The following NINL variants were observed in gnomAD, a reference collection of about 807,000 sequenced individuals.
NINL encodes the protein ninein-like protein.
A neutral mutation model predicts 160.3 loss-of-function variants in NINL; 153 were observed. The ratio of observed to expected loss-of-function variants is 0.95; its 90% CI spans 0.84 to 1.09. NINL has a LOEUF of 1.09. Ranked by LOEUF, NINL falls within the 50% of genes least tolerant of loss-of-function variation. NINL has a pLI of 0.00. For synonymous variants in NINL, 800 were observed against 734.8 expected (o/e 1.09, Z -1.43); for missense variants, 1,829 against 1,764.0 (o/e 1.04, Z -0.66).
At chr20:25,457,705 C>T (rs138274313) in intron 22 of NINL, among the ~76,000 whole-genome samples, 1 of 152,330 alleles carries the variant, frequency 6.6e-6, no homozygotes, top group East Asian at 1.9e-4. Flanking sequence ...AAGTCTGTCC[C>T]TGATGAACTA....
chr20:25,469,927 T>A, intron 18 of NINL, 64 bp downstream of exon 18: 2 of 1,079,524 alleles, frequency 1.9e-6, no homozygotes, highest in Non-Finnish European at 2.9e-6. Context: ...GGAGACTGCA[T>A]AAGGTCACTC....
intron 13 of NINL, among the ~76,000 whole-genome samples, chr20:25,484,177 GA>G (rs1449355394): frequency 1.3e-5 from 2 of 152,060 alleles, no homozygotes; most frequent in African/African-American, 4.8e-5. Context: ...AAAGTTGAAA[GA>G]AAAAAAGTTT....
intron 1 of NINL, among the ~76,000 whole-genome samples, chr20:25,570,663 T>C (rs1697959693): frequency 6.7e-6 from 1 of 149,600 alleles, no homozygotes; most frequent in South Asian, 2.1e-4. Context: ...TTTTAGCTTT[T>C]CCAAAATGTC....
chr20:25,481,879 T>A (rs2063395582), intron 14 of NINL, 89 bp downstream of exon 14: 7 of 1,516,644 alleles, frequency 4.6e-6, no homozygotes, highest in Non-Finnish European at 6.2e-6. Context: ...CATCATCATC[T>A]TCATCATCTC....
At chr20:25,563,271 C>T (rs995411068) in intron 1 of NINL, among the ~76,000 whole-genome samples, 1 of 152,198 alleles carries the variant, frequency 6.6e-6, no homozygotes, top group African/African-American at 2.4e-5. Context: ...CCTAGATCTA[C>T]AGCATAATGT....
At chr20:25,540,144 T>C (rs1454581342) in intron 1 of NINL, 3 of 799,448 alleles carry the variant, frequency 3.8e-6, no homozygotes, top group South Asian at 1.4e-5. Context: ...CTGGCCAGCA[T>C]TCAGCAGCTG....
chr20:25,566,405 T>G (rs2065000283), intron 1 of NINL, among the ~76,000 whole-genome samples: 1 of 150,076 alleles, frequency 6.7e-6, no homozygotes. Context: ...GATTATAAGA[T>G]AAATTAAAGT....
rs556403492 is a variant in NINL, at chr20:25,556,592, T to A, written c.-12+28863A>T. Among the ~76,000 whole-genome samples, 18 of 151,970 alleles carry A rather than the reference T, an allele frequency of 1.2e-4. No homozygotes were observed. The East Asian group carries it at 3.5e-3, about 29-fold the overall frequency. ...GTGAGCCATGATCATGCCACTGTAC[T>A]CCAACCTAGGCAACAGGGTGAGATT... On this transcript the variant is annotated intron_variant, in intron 1 of 23. Transcript: ENST00000278886.
chr20:25,467,877 G>C (rs1195233764), intron 18 of NINL, among the ~76,000 whole-genome samples: 2 of 152,030 alleles, frequency 1.3e-5, no homozygotes, highest in South Asian at 4.1e-4. Context: ...CCATCAGCAG[G>C]GTCCTCACAG....
chr20:25,490,579 AAAAG>A (rs1156504528), intron 11 of NINL, among the ~76,000 whole-genome samples: 3 of 151,932 alleles, frequency 2.0e-5, no homozygotes, highest in Non-Finnish European at 4.4e-5. Context: ...AAAAAAAAAA[AAAAG>A]AAAGGGTGGG....
chr20:25,500,896 G>A lies in NINL; in HGVS notation c.976C>T (p.Gln326Ter). 1.9e-6 allele frequency: 3 copies of A among 1,614,216 alleles called. No homozygotes were observed. Among genetic ancestry groups the A allele is most frequent in the Non-Finnish European group, 2.5e-6 (3 of 1,180,042 alleles). Residue 326 changes from glutamine to a stop codon, truncating the protein, a stop_gained, in exon 8 of 24, where the codon CAG becomes TAG. Transcript: ENST00000278886. LOFTEE classifies it high-confidence loss of function. Reference sequence around the variant, plus strand: ...TCCTGGGTCCACATGGCCAGGACCTGATCAGGAAAAGCGAAGCCAGAACCA... The same window carrying A: ...TCCTGGGTCCACATGGCCAGGACCTAATCAGGAAAAGCGAAGCCAGAACCA... Reference protein sequence around the residue: ...DDGSGFAFPDQVLAMWTQEGI... With the variant: ...DDGSGFAFPD
chr20:25,476,103 A>G lies in NINL; in HGVS notation c.3188T>C (p.Leu1063Pro). ...REKDDMETKL[L>P]HLEDVVRALE... Reference sequence around the variant, plus strand: ...AGCCCGGACGACGTCTTCCAGATGTAGAAGTTTGGTTTCCATGTCATCCTT... The same window carrying G: ...AGCCCGGACGACGTCTTCCAGATGTGGAAGTTTGGTTTCCATGTCATCCTT... Residue 1063 changes from leucine to proline, a missense_variant, in exon 17 of 24, where the codon CTA (leucine) becomes CCA (proline). Coordinates refer to ENST00000278886, the MANE Select transcript of NINL (RefSeq NM_025176.6). 3 of 1,614,222 alleles carry G rather than the reference A, an allele frequency of 1.9e-6. No homozygotes were observed. The highest frequency in any genetic ancestry group is 2.2e-5 in the East Asian group (1 of 44,880).
At chr20:25,560,493 G>T (rs1031425243) in intron 1 of NINL, among the ~76,000 whole-genome samples, 3 of 152,136 alleles carry the variant, frequency 2.0e-5, no homozygotes, top group Non-Finnish European at 4.4e-5. Flanking sequence ...TCTGTGCCAC[G>T]ATGGGCACAG....
intron 23 of NINL, among the ~76,000 whole-genome samples, chr20:25,454,183 A>C (rs1290066489): frequency 1.3e-5 from 2 of 152,206 alleles, no homozygotes; most frequent in Non-Finnish European, 2.9e-5. Flanking sequence ...TTGTGCCGTG[A>C]AACAAGGACT....
At chr20:25,489,437 G>T in intron 12 of NINL, 113 bp from the exon 13 acceptor site, 1 of 816,770 alleles carries the variant, frequency 1.2e-6, no homozygotes, top group Non-Finnish European at 2.1e-6. Context: ...ACCAGGCGCT[G>T]CATCTCCAGG....
At position 25,491,312 on chromosome 20, in the gene NINL, A is replaced by AC. The variant is rs543357772; in HGVS notation, c.1485+38dup. The AC allele has an allele frequency of 2.5e-4, 396 of 1,571,568 alleles. No individual in the cohort carries two copies. In the African/African-American group the frequency reaches 3.2e-3, roughly 13 times the overall value. On this transcript the variant is annotated intron_variant, in intron 11 of 23. Coordinates refer to ENST00000278886, the MANE Select transcript of NINL (RefSeq NM_025176.6). ...ACGTGGGTGTGGGGAATGCTCAGGC[A>AC]CCCCCCCAGCTTCCTGGATGCCCTG...
chr20:25,461,404 CCCAGCAGCG>C, intron 21 of NINL, 109 bp downstream of exon 21: 1 of 655,936 alleles, frequency 1.5e-6, no homozygotes, highest in Non-Finnish European at 2.6e-6. Context: ...GACAGCTGTG[CCCAGCAGCG>C]CAACTACTTC....
chr20:25,518,160 C>T (rs541633498), intron 2 of NINL, among the ~76,000 whole-genome samples: 24 of 152,288 alleles, frequency 1.6e-4, no homozygotes, highest in Middle Eastern at 6.8e-3. Context: ...CCATGGCATC[C>T]CCAACGCCAC....
At chr20:25,582,961 C>A (rs1399246186) in intron 1 of NINL, among the ~76,000 whole-genome samples, 1 of 152,206 alleles carries the variant, frequency 6.6e-6, no homozygotes, top group Non-Finnish European at 1.5e-5. Context: ...TCCTTCCTTA[C>A]ACCTTATGCA....
Sources: gnomAD v4.1 joint callset for allele counts (sites outside exome capture counted in the v4.1 genomes callset) on GRCh38, gnomAD v4.1.1 for gene constraint, MANE v1.5 for transcripts, NCBI Gene and HGNC (gene_info 2026-07-23, HGNC 2026-07-21) for gene names.